The following CLOCK variants were observed in gnomAD, a reference collection of about 807,000 sequenced individuals.
CLOCK encodes the protein clock circadian regulator.
A neutral mutation model predicts 118.4 loss-of-function variants in CLOCK; 43 were observed. That is an observed-to-expected ratio of 0.36 (90% CI 0.28 to 0.47). The LOEUF is 0.47. Among genes scored for constraint, CLOCK ranks in the 20% least tolerant of loss-of-function variants. The pLI is 1.00. For synonymous variants in CLOCK, 326 were observed against 339.2 expected (o/e 0.96, Z 0.43); for missense variants, 846 against 999.9 (o/e 0.85, Z 2.08).
intron 1 of CLOCK, among the ~76,000 whole-genome samples, chr4:55,537,016 A>C (rs73819631): frequency 0.043 from 6,566 of 152,306 alleles, 448 homozygotes; most frequent in African/African-American, 0.15. Context: ...ATCCGAATAA[A>C]TTTAAAATTA....
At chr4:55,443,023 A>G (rs1723500278) in intron 20 of CLOCK, among the ~76,000 whole-genome samples, 1 of 152,118 alleles carries the variant, frequency 6.6e-6, no homozygotes, top group South Asian at 2.1e-4. Context: ...TATTCAATAA[A>G]CCATTATGCC....
intron 2 of CLOCK, among the ~76,000 whole-genome samples, chr4:55,506,423 A>T (rs1209229860): frequency 2.0e-5 from 3 of 151,866 alleles, no homozygotes; most frequent in African/African-American, 7.3e-5. Flanking sequence ...TGGAATTCTT[A>T]AAAAAAACCA....
intron 9 of CLOCK, among the ~76,000 whole-genome samples, chr4:55,462,277 A>T (rs905469387): frequency 9.9e-5 from 15 of 152,102 alleles, no homozygotes; most frequent in Non-Finnish European, 8.8e-5. Context: ...GCTATCTCCA[A>T]AGGGTTCCAC....
At chr4:55,519,166 C>T (rs1038236219) in intron 1 of CLOCK, among the ~76,000 whole-genome samples, 6 of 152,154 alleles carry the variant, frequency 3.9e-5, no homozygotes, top group African/African-American at 1.4e-4. Context: ...ATCCTCCCGC[C>T]TCAGCCTCTG....
chr4:55,459,460 A>G (rs1206861669), intron 9 of CLOCK, among the ~76,000 whole-genome samples, 199 bp from the exon 10 acceptor site: 6 of 152,122 alleles, frequency 3.9e-5, no homozygotes, highest in Non-Finnish European at 7.4e-5. Context: ...GAAAAAATAG[A>G]TTTTCTGGTG....
intron 1 of CLOCK, among the ~76,000 whole-genome samples, chr4:55,540,158 C>T (rs1731170338): frequency 6.6e-6 from 1 of 151,894 alleles, no homozygotes; most frequent in African/African-American, 2.4e-5. Context: ...CAGGCACCCG[C>T]CACCATGCCC....
intron 1 of CLOCK, among the ~76,000 whole-genome samples, chr4:55,511,024 A>C (rs919930567): frequency 6.6e-6 from 1 of 152,160 alleles, no homozygotes; most frequent in Non-Finnish European, 1.5e-5. Context: ...CCTAGAGAGG[A>C]ATTTCAGGGG....
intron 9 of CLOCK, among the ~76,000 whole-genome samples, chr4:55,461,486 C>G (rs115637370): frequency 0.015 from 2,293 of 152,282 alleles, 63 homozygotes; most frequent in African/African-American, 0.053. Context: ...GCTACTGTAC[C>G]AGGCAGGATG....
At chr4:55,489,196 A>T (rs1727508419) in intron 3 of CLOCK, among the ~76,000 whole-genome samples, 178 bp downstream of exon 3, 1 of 152,246 alleles carries the variant, frequency 6.6e-6, no homozygotes, top group South Asian at 2.1e-4. Flanking sequence ...CTGAATCCCC[A>T]GTATCTAAAG....
intron 2 of CLOCK, among the ~76,000 whole-genome samples, chr4:55,492,966 G>A (rs1454943612): frequency 6.6e-6 from 1 of 152,194 alleles, no homozygotes; most frequent in Non-Finnish European, 1.5e-5. Flanking sequence ...TATCAACTGT[G>A]ATTGCTCCTA....
chr4:55,498,775 G>A (rs1237586758), intron 2 of CLOCK, among the ~76,000 whole-genome samples: 3 of 152,088 alleles, frequency 2.0e-5, no homozygotes. Flanking sequence ...GTAAATATAG[G>A]ATAAATGAGG....
intron 1 of CLOCK, among the ~76,000 whole-genome samples, chr4:55,530,620 C>CAAAAA: frequency 6.6e-6 from 1 of 151,448 alleles, no homozygotes; most frequent in South Asian, 2.1e-4. Context: ...ATTAAAAATA[C>CAAAAA]AAAAATTAGC....
At chr4:55,443,331 C>T (rs969701857) in intron 20 of CLOCK, among the ~76,000 whole-genome samples, 1 of 151,954 alleles carries the variant, frequency 6.6e-6, no homozygotes, top group African/African-American at 2.4e-5. Context: ...GAAAATCAGC[C>T]TGGCATGGTG....
chr4:55,439,962 T>C (rs1203910979), intron 21 of CLOCK, among the ~76,000 whole-genome samples: 3 of 152,142 alleles, frequency 2.0e-5, no homozygotes, highest in African/African-American at 7.2e-5. Flanking sequence ...GAACTGTATA[T>C]TTTAAAACGG....
chr4:55,528,346 C>G (rs1484344400), intron 1 of CLOCK, among the ~76,000 whole-genome samples: 3 of 139,434 alleles, frequency 2.2e-5, no homozygotes, highest in Middle Eastern at 3.7e-3. Flanking sequence ...AACTCCACCT[C>G]AAAAAAAAAA....
At position 55,433,175 on chromosome 4, in the gene CLOCK, T is replaced by G. The variant is rs1055035320; in HGVS notation, c.*2240A>C. 6.6e-6 allele frequency: 1 copy of G among 152,620 alleles called. No individual in the cohort carries two copies. 9.5% of individuals were successfully genotyped at this position (152,620 alleles called of 1,614,324 possible). A position where few individuals can be genotyped will look rare whatever the true frequency, so the allele number is the denominator to read the frequency against. On this transcript the variant is annotated 3_prime_UTR_variant, in exon 23 of 23. Transcript: ENST00000513440. ...AATGCTATTGCCATATTCCACAACA[T>G]CCCCCTTGTCTGTGTACATATGCTC...
intron 1 of CLOCK, among the ~76,000 whole-genome samples, chr4:55,512,073 T>C (rs1429470806): frequency 6.6e-6 from 1 of 152,006 alleles, no homozygotes; most frequent in Admixed American, 6.6e-5. Context: ...AACTTCCATA[T>C]AAAGATTTTT....
intron 1 of CLOCK, among the ~76,000 whole-genome samples, chr4:55,532,849 C>A (rs10001323): frequency 0.98 from 149,519 of 152,098 alleles, 73,543 homozygotes; most frequent in East Asian, 1. Flanking sequence ...TCTCTTTAAA[C>A]AAAGAAAAGG....
At chr4:55,461,800 A>G (rs1438147823) in intron 9 of CLOCK, among the ~76,000 whole-genome samples, 6 of 152,050 alleles carry the variant, frequency 3.9e-5, no homozygotes, top group Non-Finnish European at 7.4e-5. Flanking sequence ...TATTTACCTG[A>G]TTTTGTTTTT....
Sources: allele counts gnomAD v4.1 joint callset (sites outside exome capture counted in the v4.1 genomes callset), GRCh38; gene constraint gnomAD v4.1.1; transcripts MANE v1.5; gene names NCBI Gene and HGNC (gene_info 2026-07-23, HGNC 2026-07-21).